The following PLIN4 variants were observed in gnomAD, a reference collection of about 807,000 sequenced individuals.
The protein encoded by PLIN4 is perilipin-4.
PLIN4 carries 57 observed loss-of-function variants against 52.4 expected under a neutral mutation model. That is an observed-to-expected ratio of 1.09 (90% CI 0.88 to 1.36). PLIN4 has a LOEUF of 1.36. Among genes scored for constraint, PLIN4 ranks in the 40% most tolerant of loss-of-function variants. The pLI, the probability that PLIN4 is intolerant of heterozygous loss-of-function variation, is 0.00. For synonymous variants in PLIN4, 826 were observed against 785.4 expected (o/e 1.05, Z -0.86); for missense variants, 1,757 against 1,770.3 (o/e 0.99, Z 0.13).
intron 4 of PLIN4, among the ~76,000 whole-genome samples, chr19:4,514,016 T>C (rs185368738): frequency 6.6e-6 from 1 of 152,366 alleles, no homozygotes; most frequent in East Asian, 1.9e-4. Context: ...GTCCTAGGCT[T>C]GGACTCAGCC....
At chr19:4,506,964 G>A (rs1297835177) in intron 6 of PLIN4, among the ~76,000 whole-genome samples, 1 of 152,226 alleles carries the variant, frequency 6.6e-6, no homozygotes, top group Non-Finnish European at 1.5e-5. Context: ...CTGTGGACAC[G>A]GGGGCTAGAT....
chr19:4,503,475 C>G lies in PLIN4; in HGVS notation c.*984G>C, dbSNP rs965587340. 4 of 152,550 alleles carry G rather than the reference C, an allele frequency of 2.6e-5. No homozygotes were observed. The highest frequency in any genetic ancestry group is 4.4e-5 in the Non-Finnish European group (3 of 68,304). 9.4% of individuals were successfully genotyped at this position (152,550 alleles called of 1,614,324 possible). ...CAGCCCCGCTTCCTCTGCAGCCCGG[C>G]GCTTGGGTGGGCCTGAGGACCCAGG... is the stretch of plus-strand genomic sequence containing the variant. On this transcript the variant is annotated 3_prime_UTR_variant, in exon 8 of 8. Transcript: ENST00000301286.
In PLIN4 at chr19:4,511,180, G is replaced by A; in HGVS notation, c.2780C>T (p.Thr927Ile). Residue 927 changes from threonine (T) to isoleucine (I), a missense_variant, in exon 5 of 8, where the codon ACC (threonine) becomes ATC (isoleucine). Around this residue, in one of 7 missense-constraint regions of PLIN4, gnomAD observed 712 missense variants for 637.1 expected, o/e 1.12. Coordinates refer to ENST00000301286, the MANE Select transcript of PLIN4 (RefSeq NM_001367868.2). ...VDTSKTVLTG[T>I]KDTVCSGVTG... Reference sequence around the variant, plus strand: ...GACTCCACTGCAGACGGTGTCCTTGGTACCGGTCAGGACAGTCTTGCTGGT... The same window carrying A: ...GACTCCACTGCAGACGGTGTCCTTGATACCGGTCAGGACAGTCTTGCTGGT... 1.9e-6 allele frequency: 3 copies of A among 1,612,300 alleles called. No individual in the cohort carries two copies. Among genetic ancestry groups the A allele is most frequent in the Non-Finnish European group, 2.5e-6 (3 of 1,178,910 alleles).
rs1463833404 is a variant in PLIN4, at chr19:4,510,735, A to G, written c.3225T>C (p.Asn1075=). 3 of 1,547,476 alleles carry G rather than the reference A, an allele frequency of 1.9e-6. No individual in the cohort carries two copies. In the Admixed American group the frequency reaches 5.8e-5, roughly 30 times the overall value. The stretch of plus-strand genomic sequence containing the variant: ...GGCTCAGGGCAGTCTGCTCCCCACC[A>G]TTGTCTGTGGTCCTGGAACTGGTGA... ...GGLTSSRTTD[N]GGEQTALSPQ... is the part of the protein sequence containing the mutation. Residue 1075 remains asparagine, a synonymous_variant, in exon 5 of 8, where the codon AAT becomes AAC. Transcript: ENST00000301286.
intron 3 of PLIN4, among the ~76,000 whole-genome samples, chr19:4,516,961 T>C (rs1204250980): frequency 1.3e-5 from 2 of 152,170 alleles, no homozygotes; most frequent in Non-Finnish European, 2.9e-5. Context: ...GGGGTTCATA[T>C]AGCCTGGCAT....
rs1976018658 is a variant in PLIN4, at chr19:4,504,367, G to A, written c.*92C>T. ...CAAAGGTCTAGGGCTTTAGGGAACC[G>A]ATCCAGGTTTGGGGGCGGGGAGAAA... On this transcript the variant is annotated 3_prime_UTR_variant, in exon 8 of 8. Coordinates refer to ENST00000301286, the MANE Select transcript of PLIN4 (RefSeq NM_001367868.2). 2.4e-5 allele frequency: 31 copies of A among 1,276,484 alleles called. No homozygotes were observed. The highest frequency in any genetic ancestry group is 5.6e-5 in the Admixed American group (2 of 35,472). 79.1% of individuals were successfully genotyped at this position (1,276,484 alleles called of 1,614,324 possible). A position where few individuals can be genotyped will look rare whatever the true frequency, so the allele number is the denominator to read the frequency against.
intron 6 of PLIN4, among the ~76,000 whole-genome samples, chr19:4,507,240 ACG>A (rs1976122406): frequency 6.6e-6 from 1 of 152,224 alleles, no homozygotes; most frequent in Admixed American, 6.5e-5. Context: ...AAGGTTTCTC[ACG>A]GCCCGCCGGG....
intron 2 of PLIN4, 134 bp downstream of exon 2, chr19:4,518,088 C>T: frequency 1.3e-6 from 1 of 782,084 alleles, no homozygotes; most frequent in African/African-American, 1.8e-5. Context: ...CATCATGGCT[C>T]CCAGACCGCC....
At chr19:4,515,079 G>A (rs1466661084) in intron 4 of PLIN4, among the ~76,000 whole-genome samples, 1 of 151,292 alleles carries the variant, frequency 6.6e-6, no homozygotes, top group African/African-American at 2.4e-5. Context: ...TGGAGGCTGA[G>A]GCAGGAGAAT....
Position 4,511,036 on chromosome 19 carries a change from G to A in PLIN4, c.2924C>T (p.Ala975Val). ...CACGCCGGTCTGCACGGTTCCTTTG[G>A]CCACATTCACTGCCCCCGTGACTCC... is the stretch of plus-strand genomic sequence containing the variant. ...TTGVTGAVNV[A>V]KGTVQTGVDA... Residue 975 changes from alanine to valine, a missense_variant, in exon 5 of 8, where the codon GCC becomes GTC. By Grantham distance (64) the Ala-to-Val change is moderately conservative. Transcript: ENST00000301286. The A allele has an allele frequency of 2.5e-6, 4 of 1,613,402 alleles. No individual in the cohort carries two copies. The highest frequency in any genetic ancestry group is 3.4e-6 in the Non-Finnish European group (4 of 1,179,876).
rs1331232256 is a variant in PLIN4, at chr19:4,511,357, C to G, written c.2603G>C (p.Gly868Ala). 3 of 1,582,372 alleles carry G rather than the reference C, an allele frequency of 1.9e-6. No homozygotes were observed. Among genetic ancestry groups the G allele is most frequent in the South Asian group, 1.1e-5 (1 of 89,552 alleles). The change falls in exon 5 of 8, where the codon GGG becomes GCG. Residue 868 changes from glycine to alanine, a missense_variant. Gly to Ala is a moderately conservative substitution (Grantham distance 60). Coordinates refer to ENST00000301286, the MANE Select transcript of PLIN4 (RefSeq NM_001367868.2). The part of the protein sequence containing the change: ...ATGTKNTLGS[G>A]VTGAAKVAKG... ...GGCCACTTTCGCAGCACCGGTCACC[C>G]CACTGCCAAGGGTGTTCTTTGTACC...
intron 6 of PLIN4, 123 bp from the exon 7 acceptor site, chr19:4,505,070 C>A: frequency 2.3e-6 from 2 of 875,836 alleles, no homozygotes; most frequent in South Asian, 1.5e-5. Flanking sequence ...CCACGAGTTC[C>A]AAGTCAGTTG....
chr19:4,518,034 G>C (rs560005786), intron 2 of PLIN4, among the ~76,000 whole-genome samples, 188 bp downstream of exon 2: 3 of 152,184 alleles, frequency 2.0e-5, no homozygotes, highest in South Asian at 2.1e-4. Context: ...CGAGGTCTGC[G>C]TGGGTCCCCC....
rs779184535 is a variant in PLIN4, at chr19:4,504,576, G to C, written c.3999C>G (p.Ser1333Arg). Residue 1333 changes from serine to arginine, a missense_variant, in exon 8 of 8, where the codon AGC (serine) becomes AGG (arginine). By Grantham distance (110) the Ser-to-Arg change is moderately radical. Transcript: ENST00000301286. ...GCCAAGCCTGGTGCACACCCTCGCG[G>C]CTCTGCACCAGCCGCTCTGCGGGCA... The part of the protein sequence containing the change: ...EELPAERLVQ[S>R]REGVHQAWQG... The C allele has an allele frequency of 2.5e-6, 4 of 1,601,222 alleles. No homozygotes were observed. The Admixed American group carries it at 6.8e-5, about 27-fold the overall frequency.
At chr19:4,517,323 G>C (rs759730726) in intron 3 of PLIN4, among the ~76,000 whole-genome samples, 9 of 416 alleles carry the variant, frequency 0.022, no homozygotes, top group Non-Finnish European at 0.039. Flanking sequence ...GGGACTGAGT[G>C]GGGGGGCATT....
At chr19:4,516,047 G>A (rs1976573841) in intron 4 of PLIN4, among the ~76,000 whole-genome samples, 1 of 152,026 alleles carries the variant, frequency 6.6e-6, no homozygotes, top group South Asian at 2.1e-4. Flanking sequence ...GGCTGAGGTG[G>A]GTGGATCACT....
intron 5 of PLIN4, among the ~76,000 whole-genome samples, chr19:4,509,179 C>T (rs1427027822): frequency 1.3e-5 from 2 of 151,018 alleles, no homozygotes; most frequent in Admixed American, 6.6e-5. Flanking sequence ...GGCGTGGTGG[C>T]GGGTGCCTGT....
rs765199505 is a variant in PLIN4, at chr19:4,516,683, G to GGGGAC, written c.197-10_197-6dup. On this transcript the variant is annotated splice_polypyrimidine_tract_variant and splice_region_variant and intron_variant, in intron 3 of 7. Coordinates refer to ENST00000301286, the MANE Select transcript of PLIN4 (RefSeq NM_001367868.2). Reference sequence around the variant, plus strand: ...TCTGCTCTGGGTGGGCAGCCACTGTGGGGACAGGGGCCGGTCAGGGAGAGT... The same window carrying GGGGAC: ...TCTGCTCTGGGTGGGCAGCCACTGTGGGGACGGGACAGGGGCCGGTCAGGGAGAGT... 4.9e-5 allele frequency: 78 copies of GGGGAC among 1,591,336 alleles called. No homozygotes were observed. The highest frequency in any genetic ancestry group is 5.9e-5 in the Non-Finnish European group (69 of 1,169,478).
chr19:4,504,532 A>G lies in PLIN4; in HGVS notation c.4043T>C (p.Leu1348Pro). The G allele has an allele frequency of 6.2e-7, 1 of 1,605,670 alleles. No individual in the cohort carries two copies. The highest frequency in any genetic ancestry group is 8.5e-7 in the Non-Finnish European group (1 of 1,177,148). The change falls in exon 8 of 8, where the codon CTG becomes CCG. Residue 1348 changes from leucine (L) to proline (P), a missense_variant. Physicochemically the swap from Leu to Pro is moderately conservative, Grantham distance 98. Around this residue, in one of 7 missense-constraint regions of PLIN4, gnomAD observed 712 missense variants for 637.1 expected, o/e 1.12. Coordinates refer to ENST00000301286, the MANE Select transcript of PLIN4 (RefSeq NM_001367868.2). ...HQAWQGLEQLLEGLQHNPPLS... is the reference protein window; with the variant it reads ...HQAWQGLEQLPEGLQHNPPLS... ...CGGGGGATTGTGCTGTAGGCCCTCC[A>G]GCAGCTGCTCTAACCCCTGCCAAGC...
Sources: gnomAD v4.1 joint callset for allele counts (sites outside exome capture counted in the v4.1 genomes callset) on GRCh38, gnomAD v4.1.1 for gene constraint, gnomAD v4.1.1 regional missense constraint, MANE v1.5 for transcripts, NCBI Gene and HGNC (gene_info 2026-07-23, HGNC 2026-07-21) for gene names.